Variants in PCDH17 observed in about 807,000 individuals in gnomAD.
PCDH17 encodes the protein protocadherin-17.
A neutral mutation model predicts 67.7 loss-of-function variants in PCDH17; 21 were observed. The ratio of observed to expected loss-of-function variants is 0.31; its 90% CI spans 0.22 to 0.45. The LOEUF is 0.45. Ranked by LOEUF, PCDH17 falls within the 20% of genes least tolerant of loss-of-function variation. The pLI is 1.00. For synonymous variants in PCDH17, 701 were observed against 656.7 expected (o/e 1.07, Z -1.03); for missense variants, 1,471 against 1,564.8 (o/e 0.94, Z 1.01).
intron 1 of PCDH17, among the ~76,000 whole-genome samples, chr13:57,638,931 A>G (rs764037435): frequency 9.9e-5 from 15 of 152,044 alleles, no homozygotes; most frequent in Non-Finnish European, 1.5e-4. Context: ...TCAAAATTTC[A>G]TACTCTAGCC....
intron 3 of PCDH17, among the ~76,000 whole-genome samples, chr13:57,721,289 G>A (rs1250197743): frequency 6.6e-6 from 1 of 152,080 alleles, no homozygotes; most frequent in Non-Finnish European, 1.5e-5. Context: ...ATCCCAGATA[G>A]AACCTGAAGA....
At chr13:57,697,476 A>G (rs1955621241) in intron 3 of PCDH17, among the ~76,000 whole-genome samples, 1 of 151,672 alleles carries the variant, frequency 6.6e-6, no homozygotes, top group African/African-American at 2.4e-5. Context: ...AAAATAGGCT[A>G]AATGATGTTA....
chr13:57,702,078 C>T (rs2138076720), intron 3 of PCDH17, among the ~76,000 whole-genome samples: 1 of 151,886 alleles, frequency 6.6e-6, no homozygotes, highest in African/African-American at 2.4e-5. Context: ...CCACCAGGCC[C>T]AGTTAATTTT....
At chr13:57,712,533 A>T (rs2138091168) in intron 3 of PCDH17, among the ~76,000 whole-genome samples, 1 of 151,854 alleles carries the variant, frequency 6.6e-6, no homozygotes, top group Admixed American at 6.6e-5. Flanking sequence ...TAAAAAATTT[A>T]TTTTGGCTAG....
Position 57,632,368 on chromosome 13 carries a change from C to A in PCDH17, c.-179C>A. On this transcript the variant is annotated 5_prime_UTR_variant, in exon 1 of 4. Transcript: ENST00000377918. Reference sequence around the variant, plus strand: ...GCTGTAGATCAACAGGTTCAGGGAACTTGAGCAGAATAAGGAGAGACCACC... The same window carrying A: ...GCTGTAGATCAACAGGTTCAGGGAAATTGAGCAGAATAAGGAGAGACCACC... The A allele has an allele frequency of 1.6e-6, 1 of 625,636 alleles. No individual in the cohort carries two copies. The highest frequency in any genetic ancestry group is 2.8e-6 in the Non-Finnish European group (1 of 359,750). The allele number at this position is 625,636 out of a possible 1,614,324, so 38.8% of individuals were successfully genotyped here. A position where few individuals can be genotyped will look rare whatever the true frequency, so the allele number is the denominator to read the frequency against.
chr13:57,712,226 C>G (rs1023424137), intron 3 of PCDH17, among the ~76,000 whole-genome samples: 5 of 151,674 alleles, frequency 3.3e-5, no homozygotes, highest in African/African-American at 1.2e-4. Flanking sequence ...AACTTTAGCT[C>G]AAGTCAAAAA....
chr13:57,689,662 A>G lies in PCDH17; in HGVS notation c.2797+22829A>G, dbSNP rs577945394. ...TGAGTGTATTTTTCTGTATATGCATAATGCAATCGGATTTATTCCAAATAT... is the reference window on the plus strand; with the variant it reads ...TGAGTGTATTTTTCTGTATATGCATGATGCAATCGGATTTATTCCAAATAT... On this transcript the variant is annotated intron_variant, in intron 3 of 3. Coordinates refer to ENST00000377918, the MANE Select transcript of PCDH17 (RefSeq NM_001040429.3). 5.9e-5 allele frequency among the ~76,000 whole-genome samples: 9 copies of G among 152,100 alleles called. No homozygotes were observed. The East Asian group carries it at 1.7e-3, about 30-fold the overall frequency.
rs143764635 is a variant in PCDH17 at position 57,674,353 on chromosome 13, G to A, written c.2797+7520G>A. ...CATTTTATTTCTTTCTAGAGACAGG[G>A]TCTCGTTCTGTTGCCCATGCTGGAG... On this transcript the variant is annotated intron_variant, in intron 3 of 3. Coordinates refer to ENST00000377918, the MANE Select transcript of PCDH17 (RefSeq NM_001040429.3). Among the ~76,000 whole-genome samples the A allele has an allele frequency of 1.5e-3, 222 of 151,698 alleles. 1 individual carries two copies. The highest frequency in any genetic ancestry group is 4.4e-3 in the African/African-American group (182 of 41,382).
chr13:57,652,412 G>C (rs1284054160), intron 1 of PCDH17, among the ~76,000 whole-genome samples: 1 of 151,276 alleles, frequency 6.6e-6, no homozygotes, highest in Non-Finnish European at 1.5e-5. Context: ...GTTAATTTTT[G>C]TTAGATGATT....
intron 1 of PCDH17, among the ~76,000 whole-genome samples, chr13:57,644,574 A>T (rs1954942968): frequency 6.6e-6 from 1 of 151,516 alleles, no homozygotes; most frequent in African/African-American, 2.4e-5. Flanking sequence ...TCTTAGAGTA[A>T]ATTTTTGCAA....
chr13:57,700,463 C>T (rs960047825), intron 3 of PCDH17, among the ~76,000 whole-genome samples: 24 of 151,982 alleles, frequency 1.6e-4, no homozygotes, highest in Middle Eastern at 3.4e-3. Flanking sequence ...GGACTACAGG[C>T]GCGTGCCACC....
chr13:57,682,798 TA>T (rs1955466345), intron 3 of PCDH17, among the ~76,000 whole-genome samples: 1 of 151,804 alleles, frequency 6.6e-6, no homozygotes, highest in African/African-American at 2.4e-5. Flanking sequence ...CTGAAGTTGA[TA>T]ATGGGTAAAT....
At position 57,724,662 on chromosome 13, in the gene PCDH17, T is replaced by A; in HGVS notation, c.2848T>A (p.Ser950Thr). Reference protein sequence around the residue: ...CTDECRVLGHSDRCWMPQFPA... With the variant: ...CTDECRVLGHTDRCWMPQFPA... ...AGATGAATGCCGAGTGCTTGGTCAT[T>A]CTGACAGGTGCTGGATGCCACAGTT... The change falls in exon 4 of 4, where the codon TCT becomes ACT. Residue 950 changes from serine (S) to threonine (T), a missense_variant. By Grantham distance (58) the Ser-to-Thr change is moderately conservative. Around this residue, in one of 3 missense-constraint regions of PCDH17, gnomAD observed 297 missense variants for 298.6 expected, o/e 0.99. Transcript: ENST00000377918. 3.7e-6 allele frequency: 6 copies of A among 1,614,036 alleles called. No individual in the cohort carries two copies. The highest frequency in any genetic ancestry group is 5.1e-6 in the Non-Finnish European group (6 of 1,179,962).
chr13:57,660,850 A>T (rs1288939123), intron 1 of PCDH17, among the ~76,000 whole-genome samples: 1 of 152,190 alleles, frequency 6.6e-6, no homozygotes, highest in Non-Finnish European at 1.5e-5. Context: ...TCGGGTTGTT[A>T]CAACAGTAGT....
intron 1 of PCDH17, among the ~76,000 whole-genome samples, chr13:57,641,587 AATATAT>A (rs1166347188): frequency 2.4e-3 from 49 of 20,566 alleles, no homozygotes; most frequent in East Asian, 5.4e-3. Context: ...AAAAAAAAAA[AATATAT>A]ATATATATAT....
At chr13:57,690,840 A>G (rs1336920761) in intron 3 of PCDH17, among the ~76,000 whole-genome samples, 1 of 151,544 alleles carries the variant, frequency 6.6e-6, no homozygotes, top group Non-Finnish European at 1.5e-5. Context: ...ATCTAAGCAC[A>G]GCATGTTCAC....
intron 3 of PCDH17, among the ~76,000 whole-genome samples, chr13:57,696,752 T>A (rs1955612566): frequency 6.6e-6 from 1 of 151,658 alleles, no homozygotes; most frequent in South Asian, 2.1e-4. Flanking sequence ...GTATTAACAA[T>A]GGAAATTAGA....
intron 1 of PCDH17, among the ~76,000 whole-genome samples, chr13:57,652,870 A>G (rs530859968): frequency 1.3e-5 from 2 of 152,282 alleles, no homozygotes; most frequent in South Asian, 2.1e-4. Context: ...AGAAATTTAT[A>G]TAGTATAAAT....
chr13:57,725,076 C>A lies in PCDH17; in HGVS notation c.3262C>A (p.Pro1088Thr), dbSNP rs1361699471. The A allele has an allele frequency of 6.2e-7, 1 of 1,614,086 alleles. No individual in the cohort carries two copies. The highest frequency in any genetic ancestry group is 8.5e-7 in the Non-Finnish European group (1 of 1,179,990). The change falls in exon 4 of 4, where the codon CCT (proline) becomes ACT (threonine). Residue 1088 changes from proline to threonine, a missense_variant. Physicochemically the swap from Pro to Thr is conservative, Grantham distance 38 (BLOSUM62 -1). Coordinates refer to ENST00000377918, the MANE Select transcript of PCDH17 (RefSeq NM_001040429.3). ...GTCACCTAGTAAGCAACCAAGAGAC[C>A]CTCCCTTCATGGCTTCCGATCAGAT... is the stretch of plus-strand genomic sequence containing the variant. ...YLSPSKQPRD[P>T]PFMASDQMAR...
Sources: gnomAD v4.1 joint callset for allele counts (sites outside exome capture counted in the v4.1 genomes callset) on GRCh38, gnomAD v4.1.1 for gene constraint, gnomAD v4.1.1 regional missense constraint, MANE v1.5 for transcripts, NCBI Gene and HGNC (gene_info 2026-07-23, HGNC 2026-07-21) for gene names.